HIPK2: variants seen among roughly 807,000 people sequenced by gnomAD.
The protein encoded by HIPK2 is homeodomain interacting protein kinase 2, also known as homeodomain-interacting protein kinase 2.
A neutral mutation model predicts 113.7 loss-of-function variants in HIPK2; 27 were observed. That is an observed-to-expected ratio of 0.24 (90% CI 0.17 to 0.33). HIPK2 has a LOEUF of 0.33. HIPK2 is among the 10% of genes least tolerant of loss of function. HIPK2 has a pLI of 1.00. For synonymous variants in HIPK2, 631 were observed against 642.2 expected, an observed-to-expected ratio of 0.98 and a Z score of 0.26; for missense variants, 1,257 against 1,588.0, an observed-to-expected ratio of 0.79 and a Z score of 3.54.
chr7:139,580,350 T>C (rs1234016660), intron 13 of HIPK2, among the ~76,000 whole-genome samples: 1 of 152,088 alleles, frequency 6.6e-6, no homozygotes, highest in African/African-American at 2.4e-5. Context: ...GGACAGGAGA[T>C]GGGGGTTGAG....
At chr7:139,670,745 TTC>T (rs1802240483) in intron 2 of HIPK2, among the ~76,000 whole-genome samples, 2 of 67,546 alleles carry the variant, frequency 3.0e-5, no homozygotes, top group Admixed American at 1.8e-4. Flanking sequence ...CTTTCTTTCT[TTC>T]TTTCTTTCTT....
rs1799536404 is a variant in HIPK2, at chr7:139,604,189, A to G, written c.2147T>C (p.Leu716Pro). Residue 716 changes from leucine to proline, a missense_variant, in exon 10 of 15, where the codon CTT (leucine) becomes CCT (proline). Around this residue, in one of 5 missense-constraint regions of HIPK2, gnomAD observed 862 missense variants for 1,004.3 expected, o/e 0.86. Transcript: ENST00000406875. ...AGTCAGTTGCTGCCATGCTGGGGGA[A>G]GCAGGATCTGCTGGGTCCCACTTGG... ...AWPSGTQQIL[L>P]PPAWQQLTGV... The G allele has an allele frequency of 6.2e-7, 1 of 1,613,732 alleles. No individual in the cohort carries two copies. The highest frequency in any genetic ancestry group is 8.5e-7 in the Non-Finnish European group (1 of 1,179,720).
At chr7:139,696,984 A>T (rs1273343820) in intron 2 of HIPK2, among the ~76,000 whole-genome samples, 1 of 152,234 alleles carries the variant, frequency 6.6e-6, no homozygotes, top group African/African-American at 2.4e-5. Context: ...CCAAGGACAC[A>T]CGAGGGTAGT....
intron 2 of HIPK2, among the ~76,000 whole-genome samples, chr7:139,696,123 T>C (rs1269568270): frequency 6.6e-6 from 1 of 152,000 alleles, no homozygotes; most frequent in Non-Finnish European, 1.5e-5. Context: ...ATTGATAACG[T>C]GATGTTTGTT....
intron 9 of HIPK2, among the ~76,000 whole-genome samples, chr7:139,609,849 T>C (rs1029786488): frequency 1.3e-5 from 2 of 152,228 alleles, no homozygotes; most frequent in African/African-American, 4.8e-5. Flanking sequence ...TAGAAATCTC[T>C]GCATGTCAAG....
chr7:139,714,040 G>A lies in HIPK2; in HGVS notation c.1103+1892C>T, dbSNP rs1231955410. Among the ~76,000 whole-genome samples, 1 of 152,224 alleles carries A rather than the reference G, an allele frequency of 6.6e-6. No individual in the cohort carries two copies. Among genetic ancestry groups the A allele is most frequent in the African/African-American group, 2.4e-5 (1 of 41,454 alleles). Reference sequence around the variant, plus strand: ...ACTTCTCCCTGCCATTGGCTCTGGGGCCAGCGGGGCACAGAGTGGATGGCC... The same window carrying A: ...ACTTCTCCCTGCCATTGGCTCTGGGACCAGCGGGGCACAGAGTGGATGGCC... On this transcript the variant is annotated intron_variant, in intron 2 of 14. Coordinates refer to ENST00000406875, the MANE Select transcript of HIPK2 (RefSeq NM_022740.5). The surrounding 1 kb of genome is among the most constrained non-coding windows in gnomAD (Gnocchi z 4.2).
intron 1 of HIPK2, among the ~76,000 whole-genome samples, chr7:139,733,557 T>C (rs1795853760): frequency 6.6e-6 from 1 of 152,240 alleles, no homozygotes; most frequent in Admixed American, 6.5e-5. Context: ...CTGATATATG[T>C]GATTTTTATA....
At chr7:139,675,472 T>A (rs1238841142) in intron 2 of HIPK2, among the ~76,000 whole-genome samples, 1 of 152,186 alleles carries the variant, frequency 6.6e-6, no homozygotes, top group African/African-American at 2.4e-5. Flanking sequence ...TTGCTGCCAG[T>A]GACTCTCATC....
At chr7:139,701,130 G>A (rs1027630727) in intron 2 of HIPK2, among the ~76,000 whole-genome samples, 1 of 152,202 alleles carries the variant, frequency 6.6e-6, no homozygotes, top group African/African-American at 2.4e-5. Flanking sequence ...CAGCCCCGAT[G>A]GAGGAAGGTA....
chr7:139,645,319 A>G (rs1801169791), intron 2 of HIPK2, among the ~76,000 whole-genome samples: 1 of 152,218 alleles, frequency 6.6e-6, no homozygotes, highest in South Asian at 2.1e-4. Context: ...TGAAAGGGAG[A>G]TACATTCAGT....
At chr7:139,735,308 C>A (rs1483865762) in intron 1 of HIPK2, among the ~76,000 whole-genome samples, 2 of 152,180 alleles carry the variant, frequency 1.3e-5, no homozygotes, top group East Asian at 3.8e-4. Flanking sequence ...GGAGAAAATA[C>A]CTTGATATGT....
chr7:139,643,372 T>C (rs2116396277), intron 2 of HIPK2, among the ~76,000 whole-genome samples: 1 of 142,448 alleles, frequency 7.0e-6, no homozygotes, highest in Middle Eastern at 3.6e-3. Flanking sequence ...GCTCTGAATA[T>C]GTACTAAATA....
chr7:139,686,276 A>C (rs760283680), intron 2 of HIPK2, among the ~76,000 whole-genome samples: 8 of 152,248 alleles, frequency 5.3e-5, no homozygotes, highest in Non-Finnish European at 1.0e-4. Context: ...CTCATGATCA[A>C]ACTTAAATGG....
chr7:139,681,631 T>C (rs990823043), intron 2 of HIPK2, among the ~76,000 whole-genome samples: 20 of 152,176 alleles, frequency 1.3e-4, no homozygotes, highest in African/African-American at 4.8e-4. Flanking sequence ...AAATTGACTT[T>C]TGCTGTACAA....
Position 139,613,165 on chromosome 7 carries a change from A to G in HIPK2, c.2112+37T>C, listed in dbSNP as rs766025925. 3 of 1,610,790 alleles carry G rather than the reference A, an allele frequency of 1.9e-6. No individual in the cohort carries two copies. Among genetic ancestry groups the G allele is most frequent in the Non-Finnish European group, 8.5e-7 (1 of 1,177,928 alleles). ...TTTGTGAACAACATTAACACAGGTA[A>G]TGGTAATACCAGTAATAATAAAGGA... On this transcript the variant is annotated intron_variant, in intron 9 of 14. Coordinates refer to ENST00000406875, the MANE Select transcript of HIPK2 (RefSeq NM_022740.5). The surrounding 1 kb of genome is among the most constrained non-coding windows in gnomAD (Gnocchi z 4.2).
intron 1 of HIPK2, among the ~76,000 whole-genome samples, chr7:139,744,423 G>A (rs1238483766): frequency 6.6e-6 from 1 of 152,166 alleles, no homozygotes; most frequent in African/African-American, 2.4e-5. Context: ...AAGGAGAAGC[G>A]AATAGGGAGT....
Position 139,631,614 on chromosome 7 carries a change from C to T in HIPK2, c.1215G>A (p.Ser405=), listed in dbSNP as rs28579164. Residue 405 remains serine (S), a synonymous_variant, in exon 3 of 15, where the codon TCG becomes TCA. Coordinates refer to ENST00000406875, the MANE Select transcript of HIPK2 (RefSeq NM_022740.5). This position sits in a 1 kb window ranked among gnomAD's most constrained non-coding sequence, Gnocchi z 4.9. Reference sequence around the variant, plus strand: ...CATCTGGACCCACCTGATCATACTCCGAAGCTCCTGGATATAACGGCCAAC... The same window carrying T: ...CATCTGGACCCACCTGATCATACTCTGAAGCTCCTGGATATAACGGCCAAC... The part of the protein sequence containing the change: ...FLGWPLYPGA[S]EYDQIRYISQ... 0.11 allele frequency: 184,312 copies of T among 1,613,628 alleles called. 12,495 individuals are homozygous for T. Among genetic ancestry groups the T allele is most frequent in the African/African-American group, 0.3 (22,843 of 74,942 alleles).
intron 1 of HIPK2, among the ~76,000 whole-genome samples, chr7:139,773,947 C>T (rs1796695722): frequency 6.6e-6 from 1 of 152,202 alleles, no homozygotes; most frequent in Non-Finnish European, 1.5e-5. Context: ...CCACATTTTT[C>T]AAGTAGCACA....
At chr7:139,665,819 A>G (rs1189694185) in intron 2 of HIPK2, among the ~76,000 whole-genome samples, 1 of 152,186 alleles carries the variant, frequency 6.6e-6, no homozygotes, top group Non-Finnish European at 1.5e-5. Context: ...AAGGTCCTTC[A>G]GCATTCAGTT....
Sources: allele counts gnomAD v4.1 joint callset (sites outside exome capture counted in the v4.1 genomes callset), GRCh38; gene constraint gnomAD v4.1.1; regional missense constraint gnomAD v4.1.1; non-coding constraint Gnocchi (gnomAD v3.1); transcripts MANE v1.5; gene names NCBI Gene and HGNC (gene_info 2026-07-23, HGNC 2026-07-21).